Variants in FKBP5 observed in about 807,000 individuals in gnomAD.
The protein encoded by FKBP5 is FKBP prolyl isomerase 5.
A neutral mutation model predicts 50.5 loss-of-function variants in FKBP5; 23 were observed. That is an observed-to-expected ratio of 0.46 (90% CI 0.33 to 0.65). The LOEUF (loss-of-function observed/expected upper bound fraction) is 0.65. Among genes scored for constraint, FKBP5 ranks in the 30% least tolerant of loss-of-function variants. The probability of loss-of-function intolerance (pLI) is 0.02; values close to 1 mark genes in which losing one functional copy is unlikely to be tolerated. For synonymous variants in FKBP5, 176 were observed against 190.6 expected (o/e 0.92, Z 0.63); for missense variants, 411 against 553.1 (o/e 0.74, Z 2.58).
intron 1 of FKBP5, among the ~76,000 whole-genome samples, chr6:35,726,964 G>A (rs1248123602): frequency 6.6e-6 from 1 of 152,216 alleles, no homozygotes; most frequent in African/African-American, 2.4e-5. Context: ...ATATGAGACA[G>A]GCCACACGCT....
chr6:35,603,201 G>GT (rs1156739654), intron 5 of FKBP5, among the ~76,000 whole-genome samples: 2 of 152,198 alleles, frequency 1.3e-5, no homozygotes, highest in Non-Finnish European at 2.9e-5. Flanking sequence ...TGAAAATGCT[G>GT]TTGTTAAGTG....
At chr6:35,716,302 G>T (rs1473441458) in intron 2 of FKBP5, among the ~76,000 whole-genome samples, 1 of 152,164 alleles carries the variant, frequency 6.6e-6, no homozygotes, top group Admixed American at 6.5e-5. Flanking sequence ...GAGCCCAGGA[G>T]TCCAAGGTTG....
chr6:35,589,802 A>G (rs540219094), intron 7 of FKBP5, among the ~76,000 whole-genome samples: 94 of 152,352 alleles, frequency 6.2e-4, no homozygotes, highest in African/African-American at 2.2e-3. Context: ...TTACATGACA[A>G]CAATCAGTGG....
chr6:35,713,297 A>AG, intron 2 of FKBP5, among the ~76,000 whole-genome samples: 1 of 152,154 alleles, frequency 6.6e-6, no homozygotes, highest in East Asian at 1.9e-4. Context: ...AGCCAAGGCC[A>AG]AATCCTGTGG....
intron 1 of FKBP5, chr6:35,664,677 C>G (rs1404121472): frequency 6.5e-6 from 1 of 154,156 alleles, no homozygotes; most frequent in Non-Finnish European, 1.5e-5. Context: ...TGTCAATCAA[C>G]AGTTGTCCCC....
intron 6 of FKBP5, 121 bp downstream of exon 6, chr6:35,597,127 A>T (rs1763003713): frequency 9.4e-7 from 1 of 1,063,604 alleles, no homozygotes. Flanking sequence ...CTGCAGCCTG[A>T]TTTAATTGTT....
At chr6:35,672,457 G>A (rs2151005394) in intron 1 of FKBP5, among the ~76,000 whole-genome samples, 1 of 149,770 alleles carries the variant, frequency 6.7e-6, no homozygotes, top group African/African-American at 2.4e-5. Context: ...AATCAATCTA[G>A]TCCAGAAGCT....
intron 2 of FKBP5, among the ~76,000 whole-genome samples, chr6:35,716,358 T>C (rs981831320): frequency 1.3e-5 from 2 of 151,834 alleles, no homozygotes; most frequent in Non-Finnish European, 2.9e-5. Flanking sequence ...GCAACAGAAA[T>C]CCTGACTCTA....
chr6:35,717,544 T>C (rs941393344), intron 2 of FKBP5, among the ~76,000 whole-genome samples: 3 of 152,224 alleles, frequency 2.0e-5, no homozygotes, highest in Admixed American at 6.5e-5. Flanking sequence ...GTATGTGCAA[T>C]GAATGTGCAC....
At chr6:35,585,667 C>CT in intron 8 of FKBP5, 1 of 931,172 alleles carries the variant, frequency 1.1e-6, no homozygotes, top group African/African-American at 1.8e-5. Flanking sequence ...TTATACTTAT[C>CT]TAAACCCATG....
chr6:35,687,133 C>A (rs1040016818), intron 1 of FKBP5, among the ~76,000 whole-genome samples: 1 of 152,132 alleles, frequency 6.6e-6, no homozygotes, highest in Non-Finnish European at 1.5e-5. Flanking sequence ...CAACTTTGTT[C>A]TTAACTTAAA....
intron 1 of FKBP5, among the ~76,000 whole-genome samples, chr6:35,653,085 GCA>G (rs1223515418): frequency 1.3e-5 from 2 of 152,168 alleles, no homozygotes; most frequent in Non-Finnish European, 2.9e-5. Flanking sequence ...TCCAGGCCAG[GCA>G]CAGTGGCTCA....
At chr6:35,700,898 G>A (rs1333087583) in intron 2 of FKBP5, among the ~76,000 whole-genome samples, 1 of 152,068 alleles carries the variant, frequency 6.6e-6, no homozygotes, top group Non-Finnish European at 1.5e-5. Flanking sequence ...GGCAGAGGCT[G>A]CAGTGAGCCA....
In FKBP5 at chr6:35,576,984, C is replaced by A. The variant is rs1160139963; in HGVS notation, c.1266+10G>T. On this transcript the variant is annotated intron_variant, in intron 10 of 10. Transcript: ENST00000357266. Reference sequence around the variant, plus strand: ...TTGATCCACCTGCAGTCATCAGGCTCTGCACACACCTTGGCATCCTGCTCT... The same window carrying A: ...TTGATCCACCTGCAGTCATCAGGCTATGCACACACCTTGGCATCCTGCTCT... 1 of 1,613,436 alleles carries A rather than the reference C, an allele frequency of 6.2e-7. No homozygotes were observed. Among genetic ancestry groups the A allele is most frequent in the Non-Finnish European group, 8.5e-7 (1 of 1,179,902 alleles).
At chr6:35,705,754 C>T (rs1293552842) in intron 2 of FKBP5, among the ~76,000 whole-genome samples, 1 of 151,930 alleles carries the variant, frequency 6.6e-6, no homozygotes, top group African/African-American at 2.4e-5. Flanking sequence ...TTTCTTACAA[C>T]AAAAATACTC....
At chr6:35,645,512 A>G (rs953742256) in intron 1 of FKBP5, among the ~76,000 whole-genome samples, 1 of 152,230 alleles carries the variant, frequency 6.6e-6, no homozygotes, top group African/African-American at 2.4e-5. Context: ...CTATAGAGAT[A>G]TGACAACCAA....
At chr6:35,653,727 T>C (rs1343589606) in intron 1 of FKBP5, among the ~76,000 whole-genome samples, 1 of 152,170 alleles carries the variant, frequency 6.6e-6, no homozygotes, top group Non-Finnish European at 1.5e-5. Flanking sequence ...TCTTCATCAG[T>C]ATATCCATAT....
intron 5 of FKBP5, among the ~76,000 whole-genome samples, chr6:35,602,299 C>A (rs1198224935): frequency 6.6e-6 from 1 of 152,134 alleles, no homozygotes; most frequent in Non-Finnish European, 1.5e-5. Flanking sequence ...GCTGTAAATG[C>A]TCCAGCCTAA....
chr6:35,585,323 AC>A (rs1181037349), intron 8 of FKBP5: 3 of 979,748 alleles, frequency 3.1e-6, no homozygotes, highest in East Asian at 1.1e-4. Flanking sequence ...TATACAAATA[AC>A]CCACTTGGAA....
Sources: gnomAD v4.1 joint callset for allele counts (sites outside exome capture counted in the v4.1 genomes callset) on GRCh38, gnomAD v4.1.1 for gene constraint, MANE v1.5 for transcripts, NCBI Gene and HGNC (gene_info 2026-07-23, HGNC 2026-07-21) for gene names.